The following ABCA12 variants were observed in gnomAD, a reference collection of about 807,000 sequenced individuals.
ABCA12 encodes glucosylceramide transporter ABCA12.
ABCA12 carries 156 observed loss-of-function variants against 293.5 expected under a neutral mutation model. The observed-to-expected ratio is 0.53, with a 90% CI of 0.47 to 0.61. The LOEUF (loss-of-function observed/expected upper bound fraction) is 0.61. ABCA12 is among the 20% of genes least tolerant of loss of function. The pLI is 0.00. For missense variants in ABCA12, 2,797 were observed against 3,090.2 expected (o/e 0.91, Z 2.25); for synonymous variants, 1,063 against 1,108.0 (o/e 0.96, Z 0.81).
At chr2:215,039,441 A>T (rs1701052566) in intron 7 of ABCA12, among the ~76,000 whole-genome samples, 1 of 152,220 alleles carries the variant, frequency 6.6e-6, no homozygotes, top group African/African-American at 2.4e-5. Flanking sequence ...TATTTAATTT[A>T]GAATTTTCTA....
At chr2:215,039,782 AT>A (rs1450837328) in intron 7 of ABCA12, among the ~76,000 whole-genome samples, 2 of 149,618 alleles carry the variant, frequency 1.3e-5, no homozygotes, top group Non-Finnish European at 2.9e-5. Flanking sequence ...AAATAAATAA[AT>A]AAGTAAAAAG....
intron 2 of ABCA12, among the ~76,000 whole-genome samples, chr2:215,099,935 C>T (rs1030577640): frequency 1.3e-5 from 2 of 151,866 alleles, no homozygotes; most frequent in South Asian, 4.2e-4. Context: ...CCAATGTTTC[C>T]ATTACTACAG....
intron 14 of ABCA12, 65 bp from the exon 15 acceptor site, chr2:215,015,728 G>A (rs747649551): frequency 7.9e-5 from 118 of 1,493,168 alleles, no homozygotes; most frequent in Non-Finnish European, 1.0e-4. Context: ...TTCATTTTGT[G>A]AGGTTTTCTG....
intron 2 of ABCA12, chr2:215,075,365 C>A: frequency 3.9e-6 from 2 of 510,134 alleles, no homozygotes; most frequent in South Asian, 6.6e-5. Flanking sequence ...AAATCTTTGC[C>A]CTTCTAGTAA....
rs6740406 is a variant in ABCA12, at chr2:214,959,038, G to A, written c.5925C>T (p.Asp1975=). ...TATCTGCTTACGTGGCTTGTTCTTG[G>A]TCTTGCACTCCTGGATAAGGATGGC... The part of the protein sequence containing the change: ...MYSHPYPGVQ[D]QEQATISSLI... Residue 1975 remains aspartate (D), a synonymous_variant, in exon 40 of 53, where the codon GAC becomes GAT. Transcript: ENST00000272895. The A allele has an allele frequency of 2.8e-3, 4,599 of 1,613,778 alleles. 106 individuals are homozygous for A. The African/African-American group carries it at 0.05, about 18-fold the overall frequency.
Position 214,950,841 on chromosome 2 carries a change from A to G in ABCA12, c.6852+38T>C, listed in dbSNP as rs759169655. ...TTTTAATTTGTCACATAGTATGCCA[A>G]TGAAAAGGACAGTTAGAAACAAAAC... On this transcript the variant is annotated intron_variant, in intron 45 of 52. Transcript: ENST00000272895. 2.5e-6 allele frequency: 4 copies of G among 1,596,926 alleles called. No individual in the cohort carries two copies. In the Admixed American group the frequency reaches 5.0e-5, roughly 20 times the overall value.
Position 215,049,753 on chromosome 2 carries a change from G to C in ABCA12, c.566C>G (p.Ser189Ter). ...GAAGGCATCATCCACAATGTATCCT[G>C]AATAGCTGTCACATAGTTCTCTTCG... ...DIRRELCDSY[S>*]GYIVDDAFSW... Residue 189 changes from serine to a stop codon, truncating the protein, a stop_gained, in exon 6 of 53, where the codon TCA becomes TGA. Coordinates refer to ENST00000272895, the MANE Select transcript of ABCA12 (RefSeq NM_173076.3). LOFTEE classifies it high-confidence loss of function. 6.2e-7 allele frequency: 1 copy of C among 1,613,624 alleles called. No individual in the cohort carries two copies. Among genetic ancestry groups the C allele is most frequent in the Non-Finnish European group, 8.5e-7 (1 of 1,179,748 alleles).
chr2:215,128,904 G>C (rs572197833), intron 1 of ABCA12, among the ~76,000 whole-genome samples: 1 of 152,226 alleles, frequency 6.6e-6, no homozygotes, highest in South Asian at 2.1e-4. Flanking sequence ...TTGGTTTTCT[G>C]TTTCCTTCTC....
intron 50 of ABCA12, among the ~76,000 whole-genome samples, chr2:214,939,227 C>T (rs1698318027): frequency 1.3e-5 from 2 of 152,152 alleles, no homozygotes; most frequent in Non-Finnish European, 1.5e-5. Context: ...GGAATCTTTT[C>T]CCCATGGCTT....
intron 18 of ABCA12, among the ~76,000 whole-genome samples, chr2:215,009,087 A>G (rs1038239016): frequency 2.0e-5 from 3 of 152,164 alleles, no homozygotes; most frequent in African/African-American, 7.2e-5. Flanking sequence ...ATCCCTAACA[A>G]TGATAGATTG....
At chr2:215,007,299 CAT>C (rs1250638866) in intron 19 of ABCA12, among the ~76,000 whole-genome samples, 3 of 152,318 alleles carry the variant, frequency 2.0e-5, no homozygotes, top group African/African-American at 4.8e-5. Flanking sequence ...TTTATTAACA[CAT>C]GTGTCATAAA....
At chr2:214,942,845 G>T in intron 50 of ABCA12, 80 bp downstream of exon 50, 1 of 1,249,082 alleles carries the variant, frequency 8.0e-7, no homozygotes, top group Non-Finnish European at 1.2e-6. Context: ...TTAGGCTGCT[G>T]AGATAATCCT....
At chr2:215,003,278 G>T (rs1350828650) in intron 20 of ABCA12, among the ~76,000 whole-genome samples, 1 of 152,154 alleles carries the variant, frequency 6.6e-6, no homozygotes, top group Non-Finnish European at 1.5e-5. Flanking sequence ...GCATCCCTTA[G>T]GTTGAAGGTG....
At chr2:214,987,829 G>A in intron 26 of ABCA12, 36 bp from the exon 27 acceptor site, 1 of 1,606,908 alleles carries the variant, frequency 6.2e-7, no homozygotes, top group Non-Finnish European at 8.5e-7. Flanking sequence ...GTGAGTTTTA[G>A]TTGACTGTTA....
Position 215,019,546 on chromosome 2 carries a change from A to C in ABCA12, c.1538T>G (p.Met513Arg). The C allele has an allele frequency of 6.2e-7, 1 of 1,614,246 alleles. No homozygotes were observed. The highest frequency in any genetic ancestry group is 1.1e-5 in the South Asian group (1 of 91,090). The change falls in exon 12 of 53, where the codon ATG (methionine) becomes AGG (arginine). Residue 513 changes from methionine to arginine, a missense_variant. Physicochemically the swap from Met to Arg is moderately conservative, Grantham distance 91. Transcript: ENST00000272895. Reference protein sequence around the residue: ...TGDPSKINLNMDQFLEQALQM... With the variant: ...TGDPSKINLNRDQFLEQALQM... The stretch of plus-strand genomic sequence containing the variant: ...AGACAATGGAAAAACTTACTGATCC[A>C]TATTTAAATTAATTTTGCTTGGATC...
rs543260129 is a variant in ABCA12, at chr2:215,032,353, A to C, written c.986-457T>G. On this transcript the variant is annotated intron_variant, in intron 8 of 52. Transcript: ENST00000272895. ...AGGAAACATCTGCCATCACTAATCT[A>C]TATTTTCTATCTTTCAAAAAGCAGC... The C allele has an allele frequency of 1.5e-5, 3 of 195,564 alleles. No individual in the cohort carries two copies. In the East Asian group the frequency reaches 3.8e-4, roughly 25 times the overall value. 12.1% of individuals were successfully genotyped at this position (195,564 alleles called of 1,614,324 possible).
chr2:215,131,363 C>T (rs370927341), intron 1 of ABCA12, among the ~76,000 whole-genome samples: 1 of 151,758 alleles, frequency 6.6e-6, no homozygotes, highest in East Asian at 1.9e-4. Flanking sequence ...CCATCTTGTC[C>T]TGGGCTTTTT....
intron 2 of ABCA12, among the ~76,000 whole-genome samples, chr2:215,088,703 AT>A (rs1193676791): frequency 6.6e-6 from 1 of 152,156 alleles, no homozygotes; most frequent in Non-Finnish European, 1.5e-5. Flanking sequence ...ATTTTAATAA[AT>A]GGGAAGAGGC....
At chr2:215,074,927 G>C (rs940274057) in intron 2 of ABCA12, among the ~76,000 whole-genome samples, 1 of 152,048 alleles carries the variant, frequency 6.6e-6, no homozygotes, top group Non-Finnish European at 1.5e-5. Flanking sequence ...GGGTGACAGA[G>C]CAAGACTCTG....
Sources: allele counts gnomAD v4.1 joint callset (sites outside exome capture counted in the v4.1 genomes callset), GRCh38; gene constraint gnomAD v4.1.1; transcripts MANE v1.5; gene names NCBI Gene and HGNC (gene_info 2026-07-23, HGNC 2026-07-21).